Variants in KLHL1 observed in about 807,000 individuals in gnomAD.
KLHL1 encodes the protein kelch like family member 1.
Under a neutral mutation model 77.7 loss-of-function variants are expected in KLHL1, and 47 were observed. The observed-to-expected ratio is 0.60, with a 90% CI of 0.48 to 0.77. KLHL1 has a LOEUF of 0.77. KLHL1 is among the 30% of genes least tolerant of loss of function. KLHL1 has a pLI of 0.00. For synonymous variants in KLHL1, 360 were observed against 325.2 expected (o/e 1.11, Z -1.15); for missense variants, 925 against 910.8 (o/e 1.02, Z -0.20).
At chr13:70,066,500 A>G (rs996008492) in intron 1 of KLHL1, among the ~76,000 whole-genome samples, 1 of 152,192 alleles carries the variant, frequency 6.6e-6, no homozygotes, top group African/African-American at 2.4e-5. Flanking sequence ...CAGAGAAATG[A>G]GCAGAATTCC....
chr13:70,038,245 C>T (rs996400750), intron 1 of KLHL1, among the ~76,000 whole-genome samples: 4 of 152,142 alleles, frequency 2.6e-5, no homozygotes, highest in Non-Finnish European at 4.4e-5. Flanking sequence ...ATAGTTTGTT[C>T]CTTTTTACTG....
At chr13:69,957,506 G>C (rs982049274) in intron 3 of KLHL1, among the ~76,000 whole-genome samples, 1 of 151,704 alleles carries the variant, frequency 6.6e-6, no homozygotes, top group African/African-American at 2.4e-5. Context: ...AGCACATCCA[G>C]ATAAATCCAT....
At chr13:70,010,667 G>T (rs147718291) in intron 1 of KLHL1, among the ~76,000 whole-genome samples, 2 of 152,116 alleles carry the variant, frequency 1.3e-5, no homozygotes, top group Admixed American at 1.3e-4. Context: ...AATGTGGTTG[G>T]ATCACCTGAG....
intron 1 of KLHL1, among the ~76,000 whole-genome samples, chr13:69,985,735 G>A (rs1342514130): frequency 1.4e-5 from 2 of 148,090 alleles, no homozygotes; most frequent in Non-Finnish European, 3.0e-5. Context: ...ATCAGCCTAA[G>A]TGTTCATCAA....
At chr13:69,839,882 CCTCTTT>C (rs1470961406) in intron 5 of KLHL1, among the ~76,000 whole-genome samples, 2 of 151,814 alleles carry the variant, frequency 1.3e-5, no homozygotes, top group African/African-American at 4.8e-5. Context: ...CTTTTATTTT[CCTCTTT>C]CTCTTTCGCT....
intron 1 of KLHL1, among the ~76,000 whole-genome samples, chr13:69,997,992 A>G (rs1486473801): frequency 6.6e-6 from 1 of 151,906 alleles, no homozygotes; most frequent in Non-Finnish European, 1.5e-5. Context: ...ACTGAATTAC[A>G]TGATAGTTCT....
At chr13:69,964,139 G>T (rs1884146885) in intron 2 of KLHL1, among the ~76,000 whole-genome samples, 2 of 152,162 alleles carry the variant, frequency 1.3e-5, no homozygotes, top group Admixed American at 6.6e-5. Context: ...AAACTCCTGG[G>T]CCCAAGCAAT....
Position 69,958,238 on chromosome 13 carries a change from A to AAATAATAAT in KLHL1, c.817+3061_817+3069dup, listed in dbSNP as rs75990668. 9.9e-3 allele frequency among the ~76,000 whole-genome samples: 1,489 copies of AAATAATAAT among 150,250 alleles called. 23 individuals carry two copies. Among genetic ancestry groups the AAATAATAAT allele is most frequent in the African/African-American group, 0.033 (1,356 of 41,054 alleles). On this transcript the variant is annotated intron_variant, in intron 3 of 10. Transcript: ENST00000377844. ...ACCAAGGCCATTCTTACCAGTTACC[A>AAATAATAAT]AATAATAATAATAATAATAATAATG...
chr13:69,773,002 G>A (rs1044961840), intron 7 of KLHL1, among the ~76,000 whole-genome samples: 8 of 151,872 alleles, frequency 5.3e-5, no homozygotes, highest in Non-Finnish European at 7.4e-5. Context: ...AGGAAGATCC[G>A]AGTGAGAAAG....
intron 1 of KLHL1, among the ~76,000 whole-genome samples, chr13:70,067,848 C>A (rs1305450623): frequency 6.6e-6 from 1 of 152,036 alleles, no homozygotes. Flanking sequence ...AATAATATGA[C>A]AACCAGTGGA....
At chr13:70,080,913 T>G (rs1887377325) in intron 1 of KLHL1, among the ~76,000 whole-genome samples, 1 of 152,160 alleles carries the variant, frequency 6.6e-6, no homozygotes, top group African/African-American at 2.4e-5. Context: ...TTTTAAAAGA[T>G]GATTTTCTGG....
intron 1 of KLHL1, among the ~76,000 whole-genome samples, chr13:70,025,637 C>T (rs966023077): frequency 1.3e-5 from 2 of 151,534 alleles, no homozygotes; most frequent in African/African-American, 4.8e-5. Context: ...GAATTCAGAA[C>T]ATAGTCACAA....
intron 1 of KLHL1, among the ~76,000 whole-genome samples, chr13:70,080,886 G>A (rs571865792): frequency 2.0e-5 from 3 of 152,118 alleles, no homozygotes; most frequent in Admixed American, 2.0e-4. Context: ...GAGCCACCAC[G>A]CCTGGCTCTT....
intron 8 of KLHL1, among the ~76,000 whole-genome samples, chr13:69,732,773 T>C (rs917920516): frequency 6.6e-6 from 1 of 151,922 alleles, no homozygotes; most frequent in Non-Finnish European, 1.5e-5. Context: ...AGACACGCCA[T>C]CGGCTTCATT....
chr13:70,081,159 C>T (rs574622870), intron 1 of KLHL1, among the ~76,000 whole-genome samples: 1 of 152,220 alleles, frequency 6.6e-6, no homozygotes, highest in South Asian at 2.1e-4. Flanking sequence ...CAAGACTGTC[C>T]AAATGTTAAA....
At chr13:70,098,747 G>T (rs1887850858) in intron 1 of KLHL1, among the ~76,000 whole-genome samples, 1 of 151,728 alleles carries the variant, frequency 6.6e-6, no homozygotes, top group South Asian at 2.1e-4. Flanking sequence ...GGATTTCACA[G>T]AGCATTTTTT....
intron 7 of KLHL1, among the ~76,000 whole-genome samples, chr13:69,796,321 G>T (rs1293747106): frequency 1.3e-5 from 2 of 152,126 alleles, no homozygotes; most frequent in East Asian, 3.9e-4. Flanking sequence ...AGTGTCAGAG[G>T]TGGGGCCTAC....
intron 7 of KLHL1, among the ~76,000 whole-genome samples, chr13:69,752,763 T>A (rs927756386): frequency 4.6e-5 from 7 of 152,078 alleles, no homozygotes; most frequent in African/African-American, 1.7e-4. Context: ...GTGAAAGGAA[T>A]CACTTGAGCG....
At chr13:69,869,567 G>A (rs1290434213) in intron 5 of KLHL1, among the ~76,000 whole-genome samples, 1 of 151,932 alleles carries the variant, frequency 6.6e-6, no homozygotes, top group East Asian at 1.9e-4. Flanking sequence ...TGACCTCTAG[G>A]TCTCCTCCAT....
Sources: gnomAD v4.1 joint callset for allele counts (sites outside exome capture counted in the v4.1 genomes callset) on GRCh38, gnomAD v4.1.1 for gene constraint, MANE v1.5 for transcripts, NCBI Gene and HGNC (gene_info 2026-07-23, HGNC 2026-07-21) for gene names.